Variants in SAMD12 observed in about 807,000 individuals in gnomAD.
SAMD12 encodes sterile alpha motif domain containing 12.
A neutral mutation model predicts 15.0 loss-of-function variants in SAMD12; 9 were observed. That is an observed-to-expected ratio of 0.60 (90% confidence interval 0.36 to 1.05). SAMD12 has a LOEUF of 1.05. Ranked by LOEUF, SAMD12 falls within the 50% of genes least tolerant of loss-of-function variation. SAMD12 has a pLI of 0.01. For missense variants in SAMD12, 230 were observed against 234.2 expected, an observed-to-expected ratio of 0.98 and a Z score of 0.12; for synonymous variants, 86 against 90.1, an observed-to-expected ratio of 0.96 and a Z score of 0.25.
At chr8:118,352,454 G>T (rs1818003446) in intron 4 of SAMD12, among the ~76,000 whole-genome samples, 1 of 151,902 alleles carries the variant, frequency 6.6e-6, no homozygotes, top group Non-Finnish European at 1.5e-5. Context: ...ATGCTTAGGT[G>T]GTTCAGAAAA....
At chr8:118,218,032 G>T (rs1812002981) in intron 4 of SAMD12, among the ~76,000 whole-genome samples, 1 of 152,252 alleles carries the variant, frequency 6.6e-6, no homozygotes, top group African/African-American at 2.4e-5. Context: ...TGACTAGCAT[G>T]CAGCTCACAC....
At chr8:118,491,911 C>T (rs1469607704) in intron 2 of SAMD12, among the ~76,000 whole-genome samples, 1 of 152,108 alleles carries the variant, frequency 6.6e-6, no homozygotes, top group Non-Finnish European at 1.5e-5. Flanking sequence ...TGAATATTCA[C>T]GTACAAGTCT....
At chr8:118,253,268 A>G (rs1436190794) in intron 4 of SAMD12, among the ~76,000 whole-genome samples, 1 of 152,190 alleles carries the variant, frequency 6.6e-6, no homozygotes, top group African/African-American at 2.4e-5. Context: ...CTCTCTTTGC[A>G]TGAAGGTGAA....
intron 4 of SAMD12, among the ~76,000 whole-genome samples, chr8:118,366,892 AATAAAATAAAATAAAATAAAATAAAAAT>A (rs1818826154): frequency 2.1e-5 from 2 of 94,634 alleles, no homozygotes; most frequent in African/African-American, 4.4e-5. Flanking sequence ...AATAAAATAA[AATAAAATAAAATAAAATAAAATAAAAAT>A]GAACAAAATG....
At chr8:118,440,098 A>C in intron 2 of SAMD12, 137 bp from the exon 3 acceptor site, 1 of 751,162 alleles carries the variant, frequency 1.3e-6, no homozygotes, top group South Asian at 1.9e-5. Context: ...CTTTCTCCTA[A>C]CCTCTGTAGA....
intron 2 of SAMD12, among the ~76,000 whole-genome samples, chr8:118,527,082 T>C (rs1053877494): frequency 6.6e-6 from 1 of 152,214 alleles, no homozygotes; most frequent in African/African-American, 2.4e-5. Flanking sequence ...ATGAATCCTC[T>C]GTTTTCTCCA....
the SAMD12 span, among the ~76,000 whole-genome samples, chr8:118,143,209 C>T: frequency 1.2e-3 from 177 of 151,344 alleles, 1 homozygote; most frequent in Non-Finnish European, 4.4e-4. Context: ...CCAAGAGGGG[C>T]ACAGTATATC....
chr8:118,526,742 G>C (rs1189437409), intron 2 of SAMD12, among the ~76,000 whole-genome samples: 1 of 152,174 alleles, frequency 6.6e-6, no homozygotes, highest in Non-Finnish European at 1.5e-5. Context: ...GGGCTTAAAT[G>C]TTCACTCAAG....
rs1015764915 is a variant in SAMD12 at position 118,443,256 on chromosome 8, G to A, written c.193-3295C>T. Among the ~76,000 whole-genome samples the A allele has an allele frequency of 7.2e-4, 109 of 152,128 alleles. 1 individual carries two copies. The highest frequency in any genetic ancestry group is 2.4e-3 in the African/African-American group (100 of 41,428). On this transcript the variant is annotated intron_variant, in intron 2 of 3. Transcript: ENST00000314727. ...AGGCAGGCAGATCACCTGAGGTCAG[G>A]AGTTCAAGACCAGCCTGGCCAACAT...
chr8:118,454,964 A>G (rs564370105), intron 2 of SAMD12, among the ~76,000 whole-genome samples: 9 of 152,234 alleles, frequency 5.9e-5, no homozygotes, highest in Non-Finnish European at 1.3e-4. Context: ...AAGTGTCACC[A>G]TTTCCCTCCT....
intron 4 of SAMD12, among the ~76,000 whole-genome samples, chr8:118,232,315 T>A (rs1240653636): frequency 6.6e-6 from 1 of 152,102 alleles, no homozygotes; most frequent in Admixed American, 6.5e-5. Context: ...TTGCCCAAGT[T>A]GCAACCTAGA....
intron 1 of SAMD12, among the ~76,000 whole-genome samples, chr8:118,599,406 A>AGTGACAACCAT (rs1228669632): frequency 1.1e-4 from 16 of 152,160 alleles, no homozygotes; most frequent in Non-Finnish European, 2.2e-4. Context: ...CCGAGAACCA[A>AGTGACAACCAT]GTGACAACCA....
At chr8:118,619,433 C>A (rs986746862) in intron 1 of SAMD12, among the ~76,000 whole-genome samples, 7 of 147,540 alleles carry the variant, frequency 4.7e-5, no homozygotes, top group African/African-American at 1.8e-4. Flanking sequence ...GAGCTGAGAC[C>A]GCGCCACTGT....
At chr8:118,165,434 T>C in the SAMD12 span, among the ~76,000 whole-genome samples, 1 of 151,816 alleles carries the variant, frequency 6.6e-6, no homozygotes, top group Non-Finnish European at 1.5e-5. Flanking sequence ...TTTTGTATTT[T>C]TAGTAGAGAC....
Position 118,379,010 on chromosome 8 carries a change from G to C in SAMD12, c.*407C>G. The C allele has an allele frequency of 4.0e-6, 4 of 988,400 alleles. No individual in the cohort carries two copies. The highest frequency in any genetic ancestry group is 4.8e-6 in the Non-Finnish European group (4 of 827,726). 61.2% of individuals were successfully genotyped at this position (988,400 alleles called of 1,614,324 possible). A position where few individuals can be genotyped will look rare whatever the true frequency, so the allele number is the denominator to read the frequency against. ...ATGGGGTTCTTACAATCTCTAAAGT[G>C]TGTGTGTATAATACATTCATGTATA... On this transcript the variant is annotated 3_prime_UTR_variant, in exon 4 of 4. Transcript: ENST00000314727.
chr8:118,155,238 G>A, the SAMD12 span, among the ~76,000 whole-genome samples: 1 of 152,044 alleles, frequency 6.6e-6, no homozygotes, highest in African/African-American at 2.4e-5. Flanking sequence ...GTCCTGGGTA[G>A]GAAATGCTGT....
At chr8:118,341,096 T>A (rs966090080) in intron 4 of SAMD12, among the ~76,000 whole-genome samples, 1 of 152,204 alleles carries the variant, frequency 6.6e-6, no homozygotes, top group Non-Finnish European at 1.5e-5. Flanking sequence ...GCTTCTTCAT[T>A]TGTGTATCTG....
At chr8:118,310,914 C>G (rs1364225650) in intron 4 of SAMD12, among the ~76,000 whole-genome samples, 3 of 152,146 alleles carry the variant, frequency 2.0e-5, no homozygotes, top group Non-Finnish European at 4.4e-5. Flanking sequence ...ATCTTTTTAT[C>G]TTTGTATCCT....
chr8:118,308,798 C>T (rs911843352), intron 4 of SAMD12, among the ~76,000 whole-genome samples: 1 of 151,984 alleles, frequency 6.6e-6, no homozygotes, highest in Non-Finnish European at 1.5e-5. Context: ...GCTTAACACG[C>T]CTCCAGCCTC....
Sources: allele counts gnomAD v4.1 joint callset (sites outside exome capture counted in the v4.1 genomes callset), GRCh38; gene constraint gnomAD v4.1.1; transcripts MANE v1.5; gene names NCBI Gene and HGNC (gene_info 2026-07-23, HGNC 2026-07-21).